Variants in DLG2 observed in about 807,000 individuals in gnomAD.
The protein encoded by DLG2 is disks large homolog 2.
A neutral mutation model predicts 132.5 loss-of-function variants in DLG2; 45 were observed. The observed-to-expected ratio is 0.34, with a 90% CI of 0.27 to 0.44. The LOEUF (loss-of-function observed/expected upper bound fraction) is 0.44. DLG2 is among the 20% of genes least tolerant of loss of function. The probability of loss-of-function intolerance (pLI) is 1.00; values close to 1 mark genes in which losing one functional copy is unlikely to be tolerated. For synonymous variants in DLG2, 424 were observed against 419.6 expected (o/e 1.01, Z -0.13); for missense variants, 1,045 against 1,196.9 (o/e 0.87, Z 1.87).
At chr11:84,519,429 T>C (rs113798720) in intron 7 of DLG2, among the ~76,000 whole-genome samples, 2,665 of 152,296 alleles carry the variant, frequency 0.017, 25 homozygotes, top group Middle Eastern at 0.044. Context: ...AGAGACAAGA[T>C]ATTATTGCTC....
At position 85,195,804 on chromosome 11, in the gene DLG2, G is replaced by A. The variant is rs566280718; in HGVS notation, c.187-41153C>T. On this transcript the variant is annotated intron_variant, in intron 4 of 27. Transcript: ENST00000376104. ...GCCTCCCAAAGTGCTGGGATTACAA[G>A]CCTGAGCCACCGCGCCCGGCCGACA... Among the ~76,000 whole-genome samples the A allele has an allele frequency of 2.2e-3, 331 of 152,190 alleles. 2 individuals carry two copies. Among genetic ancestry groups the A allele is most frequent in the Non-Finnish European group, 4.0e-3 (269 of 68,002 alleles).
At chr11:85,142,002 T>C (rs904673474) in intron 5 of DLG2, among the ~76,000 whole-genome samples, 1 of 151,900 alleles carries the variant, frequency 6.6e-6, no homozygotes, top group Non-Finnish European at 1.5e-5. Flanking sequence ...TCCTCCAGCT[T>C]TGTTCTTTTT....
intron 3 of DLG2, among the ~76,000 whole-genome samples, chr11:85,436,085 G>A (rs1013769142): frequency 6.6e-6 from 1 of 152,064 alleles, no homozygotes; most frequent in African/African-American, 2.4e-5. Context: ...TTAATAAATG[G>A]TGTGGGAAAA....
At chr11:84,271,670 C>T (rs971191029) in intron 7 of DLG2, among the ~76,000 whole-genome samples, 1 of 152,118 alleles carries the variant, frequency 6.6e-6, no homozygotes, top group Non-Finnish European at 1.5e-5. Flanking sequence ...GGAATAGATG[C>T]ACTTCTGTAT....
intron 18 of DLG2, among the ~76,000 whole-genome samples, chr11:83,690,545 A>G (rs1295057532): frequency 6.6e-6 from 1 of 152,152 alleles, no homozygotes; most frequent in African/African-American, 2.4e-5. Flanking sequence ...TTGTAATAAT[A>G]ACCACTTGCT....
intron 6 of DLG2, among the ~76,000 whole-genome samples, chr11:84,584,413 C>A (rs1174305712): frequency 6.6e-6 from 1 of 151,872 alleles, no homozygotes; most frequent in Non-Finnish European, 1.5e-5. Context: ...TTCATATATT[C>A]ATAGCTCAAT....
chr11:84,401,828 G>T (rs1014049782), intron 7 of DLG2, among the ~76,000 whole-genome samples: 3 of 152,184 alleles, frequency 2.0e-5, no homozygotes, highest in South Asian at 2.1e-4. Context: ...GACTACAGGC[G>T]CCTGCCACCA....
intron 7 of DLG2, among the ~76,000 whole-genome samples, chr11:84,432,524 A>G (rs905838775): frequency 3.5e-5 from 5 of 144,768 alleles, no homozygotes; most frequent in South Asian, 2.1e-4. Context: ...GCAAAGAGCA[A>G]GGCTAATTTA....
intron 3 of DLG2, among the ~76,000 whole-genome samples, chr11:85,387,445 C>A (rs1200329122): frequency 1.3e-5 from 2 of 152,254 alleles, no homozygotes; most frequent in East Asian, 3.9e-4. Context: ...TAAATACAAG[C>A]CTTACTAGTG....
chr11:84,914,508 G>C (rs1490702173), intron 6 of DLG2, among the ~76,000 whole-genome samples: 1 of 152,144 alleles, frequency 6.6e-6, no homozygotes, highest in Admixed American at 6.5e-5. Flanking sequence ...CTAAGTATAA[G>C]CACCCCAACC....
chr11:83,873,257 G>C (rs1565437567), intron 16 of DLG2, among the ~76,000 whole-genome samples: 1 of 152,108 alleles, frequency 6.6e-6, no homozygotes, highest in Admixed American at 6.5e-5. Flanking sequence ...TACCTATCTT[G>C]TAGGACTACT....
intron 4 of DLG2, among the ~76,000 whole-genome samples, chr11:85,278,879 G>A (rs1431834573): frequency 2.0e-5 from 3 of 152,130 alleles, no homozygotes; most frequent in African/African-American, 7.2e-5. Flanking sequence ...CCCTGGACAA[G>A]TTGCTTATCT....
At chr11:85,046,271 A>G (rs887883431) in intron 6 of DLG2, among the ~76,000 whole-genome samples, 3 of 152,036 alleles carry the variant, frequency 2.0e-5, no homozygotes, top group East Asian at 1.9e-4. Flanking sequence ...CCTCAGCAGT[A>G]TATCAACAGC....
chr11:84,863,992 C>A (rs1335519905), intron 6 of DLG2, among the ~76,000 whole-genome samples: 1 of 152,064 alleles, frequency 6.6e-6, no homozygotes, highest in Non-Finnish European at 1.5e-5. Flanking sequence ...TCTTTATAAA[C>A]TGTGAAGTTT....
intron 19 of DLG2, among the ~76,000 whole-genome samples, chr11:83,543,819 T>C (rs1158163267): frequency 6.6e-6 from 1 of 152,196 alleles, no homozygotes; most frequent in Admixed American, 6.6e-5. Flanking sequence ...AAGGAGTTAA[T>C]GTAGCAGGCC....
intron 3 of DLG2, among the ~76,000 whole-genome samples, chr11:85,352,625 G>T (rs1159102622): frequency 6.6e-6 from 1 of 152,046 alleles, no homozygotes; most frequent in Non-Finnish European, 1.5e-5. Context: ...CATGGTACTG[G>T]TACCAAAACA....
intron 5 of DLG2, among the ~76,000 whole-genome samples, chr11:85,123,477 G>C (rs1228398236): frequency 6.6e-6 from 1 of 152,116 alleles, no homozygotes; most frequent in Non-Finnish European, 1.5e-5. Context: ...AATAAGGATT[G>C]GGGCTGTGGG....
At chr11:84,365,651 T>C (rs560299107) in intron 7 of DLG2, among the ~76,000 whole-genome samples, 2 of 152,056 alleles carry the variant, frequency 1.3e-5, no homozygotes, top group South Asian at 4.2e-4. Flanking sequence ...GGGCATTGAG[T>C]GCTATAAATT....
chr11:84,754,422 G>A (rs904151802), intron 6 of DLG2, among the ~76,000 whole-genome samples: 1 of 152,028 alleles, frequency 6.6e-6, no homozygotes, highest in African/African-American at 2.4e-5. Flanking sequence ...AAATAATCTG[G>A]AAATGTTTGA....
Sources: gnomAD v4.1 joint callset for allele counts (sites outside exome capture counted in the v4.1 genomes callset) on GRCh38, gnomAD v4.1.1 for gene constraint, MANE v1.5 for transcripts, NCBI Gene and HGNC (gene_info 2026-07-23, HGNC 2026-07-21) for gene names.